ADGRB3: variants seen among roughly 807,000 people sequenced by gnomAD.
ADGRB3 encodes adhesion G protein-coupled receptor B3.
A neutral mutation model predicts 193.4 loss-of-function variants in ADGRB3; 37 were observed. That is an observed-to-expected ratio of 0.19 (90% CI 0.15 to 0.25). The LOEUF (loss-of-function observed/expected upper bound fraction) is 0.25, where lower values mean the gene tolerates loss of function less well. ADGRB3 is among the 10% of genes least tolerant of loss of function. ADGRB3 has a pLI of 1.00. For missense variants in ADGRB3, 1,637 were observed against 1,852.9 expected (o/e 0.88, Z 2.14); for synonymous variants, 690 against 644.2 (o/e 1.07, Z -1.08).
rs768310568 is a variant in ADGRB3 at position 69,354,314 on chromosome 6, C to T, written c.3541C>T (p.His1181Tyr). Residue 1181 changes from histidine to tyrosine, a missense_variant, in exon 27 of 32, where the codon CAT becomes TAT. His to Tyr is a moderately conservative substitution (Grantham distance 83). Around this residue, in one of 7 missense-constraint regions of ADGRB3, gnomAD observed 116 missense variants for 168.1 expected, o/e 0.69. Transcript: ENST00000370598. ...TTCTTCGAGTTCGTTTCCTAATGGG[C>T]ATGCTCAAATCATGGTGAGTTTTTA... ...ADSSSSFPNG[H>Y]AQIMTDFEKD... 1.2e-6 allele frequency: 2 copies of T among 1,612,944 alleles called. No individual in the cohort carries two copies. The highest frequency in any genetic ancestry group is 1.7e-6 in the Non-Finnish European group (2 of 1,178,982).
intron 17 of ADGRB3, among the ~76,000 whole-genome samples, chr6:69,093,026 A>G (rs1309945130): frequency 6.6e-6 from 1 of 150,866 alleles, no homozygotes; most frequent in African/African-American, 2.4e-5. Context: ...GGAAGGGTGA[A>G]CAGCCTAGGT....
intron 20 of ADGRB3, among the ~76,000 whole-genome samples, chr6:69,257,627 A>G (rs534967669): frequency 7.0e-4 from 106 of 152,340 alleles, no homozygotes; most frequent in Admixed American, 3.3e-3. Flanking sequence ...TCAACTAAGA[A>G]CAATTGGAAA....
intron 3 of ADGRB3, among the ~76,000 whole-genome samples, chr6:68,827,245 A>C (rs1003861438): frequency 2.0e-5 from 3 of 152,080 alleles, no homozygotes; most frequent in East Asian, 1.9e-4. Flanking sequence ...AAAATTATGG[A>C]GTGATCAAGT....
chr6:69,196,214 T>A (rs1167710788), intron 17 of ADGRB3, among the ~76,000 whole-genome samples: 1 of 152,100 alleles, frequency 6.6e-6, no homozygotes, highest in Non-Finnish European at 1.5e-5. Context: ...TATTTTTACA[T>A]AACAAAAATT....
intron 31 of ADGRB3, among the ~76,000 whole-genome samples, chr6:69,385,547 G>C (rs1314034162): frequency 6.6e-6 from 1 of 152,054 alleles, no homozygotes; most frequent in Non-Finnish European, 1.5e-5. Flanking sequence ...ATTTTGGGAA[G>C]CTTCGTGCAC....
intron 3 of ADGRB3, among the ~76,000 whole-genome samples, chr6:68,661,409 G>GTGTGTATACATATATA (rs1768636817): frequency 3.4e-5 from 1 of 29,514 alleles, no homozygotes; most frequent in African/African-American, 2.3e-4. Context: ...ACATATATAT[G>GTGTGTATACATATATA]TGTGTGTATA....
At chr6:68,922,538 G>A (rs1180852911) in intron 3 of ADGRB3, among the ~76,000 whole-genome samples, 1 of 152,202 alleles carries the variant, frequency 6.6e-6, no homozygotes, top group Non-Finnish European at 1.5e-5. Context: ...TGTTCATCGA[G>A]CTTGACCAGG....
intron 3 of ADGRB3, among the ~76,000 whole-genome samples, chr6:68,895,237 A>G (rs1403960925): frequency 2.9e-5 from 4 of 138,080 alleles, no homozygotes; most frequent in African/African-American, 8.2e-5. Context: ...TTTTTTTTTT[A>G]GTTCAATGCT....
At chr6:69,013,172 C>G (rs555355021) in intron 11 of ADGRB3, among the ~76,000 whole-genome samples, 1 of 152,164 alleles carries the variant, frequency 6.6e-6, no homozygotes, top group African/African-American at 2.4e-5. Flanking sequence ...AAAGAAAAGT[C>G]TCTCTCTGGT....
At chr6:68,787,067 G>A (rs1207561047) in intron 3 of ADGRB3, among the ~76,000 whole-genome samples, 8 of 152,254 alleles carry the variant, frequency 5.3e-5, no homozygotes, top group Admixed American at 2.6e-4. Context: ...AGATGATGGC[G>A]TTTTCTAGAT....
At chr6:69,273,312 C>T (rs921880794) in intron 20 of ADGRB3, among the ~76,000 whole-genome samples, 4 of 152,150 alleles carry the variant, frequency 2.6e-5, no homozygotes, top group African/African-American at 9.7e-5. Context: ...CATCTAAATT[C>T]CATATATCAA....
chr6:68,666,011 G>C (rs1254065687), intron 3 of ADGRB3, among the ~76,000 whole-genome samples: 1 of 151,658 alleles, frequency 6.6e-6, no homozygotes, highest in East Asian at 1.9e-4. Context: ...TAACTATTTT[G>C]GTGTGCATTC....
chr6:68,792,229 T>C (rs777521430), intron 3 of ADGRB3, among the ~76,000 whole-genome samples: 3 of 152,184 alleles, frequency 2.0e-5, no homozygotes, highest in Non-Finnish European at 4.4e-5. Flanking sequence ...AGTCTAGGTA[T>C]AGACATCTTT....
intron 3 of ADGRB3, among the ~76,000 whole-genome samples, chr6:68,861,343 GC>G (rs1383524533): frequency 6.6e-6 from 1 of 152,102 alleles, no homozygotes; most frequent in Non-Finnish European, 1.5e-5. Flanking sequence ...GGAGGCCGAG[GC>G]AGGCAGATCA....
At chr6:68,909,889 A>G (rs1766651930) in intron 3 of ADGRB3, among the ~76,000 whole-genome samples, 1 of 152,208 alleles carries the variant, frequency 6.6e-6, no homozygotes, top group African/African-American at 2.4e-5. Flanking sequence ...TCTTTATAGC[A>G]GCATGATTTA....
At chr6:68,700,989 A>G (rs535832745) in intron 3 of ADGRB3, among the ~76,000 whole-genome samples, 1 of 152,290 alleles carries the variant, frequency 6.6e-6, no homozygotes, top group East Asian at 1.9e-4. Flanking sequence ...AAATAATTTA[A>G]AAAACTATAA....
intron 17 of ADGRB3, among the ~76,000 whole-genome samples, chr6:69,115,634 G>A (rs1290859889): frequency 1.3e-5 from 2 of 152,048 alleles, no homozygotes; most frequent in Non-Finnish European, 2.9e-5. Context: ...AATAAAATTG[G>A]CAAACAATAA....
chr6:69,193,494 G>A (rs1277313424), intron 17 of ADGRB3, among the ~76,000 whole-genome samples: 3 of 152,008 alleles, frequency 2.0e-5, no homozygotes, highest in Non-Finnish European at 2.9e-5. Context: ...AATCTCATAG[G>A]AAATGAGGAA....
intron 17 of ADGRB3, among the ~76,000 whole-genome samples, chr6:69,178,377 T>TG (rs1324611175): frequency 6.6e-6 from 1 of 152,018 alleles, no homozygotes; most frequent in African/African-American, 2.4e-5. Flanking sequence ...AAATGGTTCT[T>TG]GGTTTTTTTG....
Sources: allele counts gnomAD v4.1 joint callset (sites outside exome capture counted in the v4.1 genomes callset), GRCh38; gene constraint gnomAD v4.1.1; regional missense constraint gnomAD v4.1.1; transcripts MANE v1.5; gene names NCBI Gene and HGNC (gene_info 2026-07-23, HGNC 2026-07-21).